The following FBXW11 variants were observed in gnomAD, a reference collection of about 807,000 sequenced individuals.
FBXW11 encodes the protein F-box/WD repeat-containing protein 11.
In FBXW11, 19 loss-of-function variants were observed where a neutral mutation model predicts 77.6. The observed-to-expected ratio is 0.24, with a 90% confidence interval of 0.17 to 0.36. The LOEUF is 0.36. Among genes scored for constraint, FBXW11 ranks in the 10% least tolerant of loss-of-function variants. FBXW11 has a pLI of 1.00. For synonymous variants in FBXW11, 235 were observed against 249.4 expected, an observed-to-expected ratio of 0.94 and a Z score of 0.54; for missense variants, 334 against 704.2, an observed-to-expected ratio of 0.47 and a Z score of 5.95.
chr5:171,944,448 G>A (rs839280), intron 2 of FBXW11, among the ~76,000 whole-genome samples: 3,669 of 151,196 alleles, frequency 0.024, 84 homozygotes, highest in African/African-American at 0.058. Flanking sequence ...GGTGGCGGGC[G>A]CCTGTAGTCC....
chr5:171,893,040 C>T (rs972413772), intron 6 of FBXW11, among the ~76,000 whole-genome samples: 2 of 152,174 alleles, frequency 1.3e-5, no homozygotes, highest in Non-Finnish European at 2.9e-5. Flanking sequence ...CACTATACCA[C>T]TCACTTTATA....
chr5:171,889,889 T>C (rs1759209085), intron 7 of FBXW11, among the ~76,000 whole-genome samples: 1 of 151,864 alleles, frequency 6.6e-6, no homozygotes, highest in Non-Finnish European at 1.5e-5. Context: ...AAACTCCGTC[T>C]CAAAAAAAAT....
chr5:171,913,616 G>A (rs1469046974), intron 3 of FBXW11, among the ~76,000 whole-genome samples: 2 of 151,980 alleles, frequency 1.3e-5, no homozygotes, highest in Non-Finnish European at 2.9e-5. Context: ...GATGCACTTT[G>A]TTCCTGCTAA....
chr5:171,918,281 G>T (rs1197536555), intron 2 of FBXW11, among the ~76,000 whole-genome samples: 4 of 152,014 alleles, frequency 2.6e-5, no homozygotes, highest in African/African-American at 9.7e-5. Flanking sequence ...CGTACACAGG[G>T]TCGCAGGAAT....
intron 2 of FBXW11, among the ~76,000 whole-genome samples, chr5:171,923,843 C>A (rs1361551948): frequency 6.7e-6 from 1 of 148,306 alleles, no homozygotes; most frequent in East Asian, 2.0e-4. Flanking sequence ...CACATACACA[C>A]GTGATAGCAG....
chr5:171,998,795 T>G (rs1766228893), intron 1 of FBXW11, among the ~76,000 whole-genome samples: 1 of 88,716 alleles, frequency 1.1e-5, no homozygotes, highest in Non-Finnish European at 2.0e-5. Flanking sequence ...AGACTCCGTC[T>G]CAAAAAAAAA....
At chr5:171,902,338 C>T (rs1760181573) in intron 4 of FBXW11, among the ~76,000 whole-genome samples, 1 of 152,164 alleles carries the variant, frequency 6.6e-6, no homozygotes, top group Admixed American at 6.5e-5. Context: ...ACACTAGCTG[C>T]TTGGTAACCC....
intron 1 of FBXW11, among the ~76,000 whole-genome samples, chr5:171,971,962 C>G (rs115955323): frequency 1.3e-5 from 2 of 149,922 alleles, no homozygotes; most frequent in African/African-American, 2.5e-5. Context: ...CCAGCCTGGA[C>G]AGCTCACACC....
intron 9 of FBXW11, among the ~76,000 whole-genome samples, chr5:171,875,046 C>CA (rs1372419597): frequency 1.3e-5 from 2 of 152,086 alleles, no homozygotes; most frequent in East Asian, 3.9e-4. Flanking sequence ...TTGTAATAGT[C>CA]AAAAAAATAG....
At chr5:171,929,841 G>T (rs1762077504) in intron 2 of FBXW11, among the ~76,000 whole-genome samples, 1 of 152,134 alleles carries the variant, frequency 6.6e-6, no homozygotes, top group African/African-American at 2.4e-5. Flanking sequence ...GAGAGAGCGA[G>T]ACTCTGTCTC....
chr5:171,980,253 G>A (rs924033847), intron 1 of FBXW11, among the ~76,000 whole-genome samples: 2 of 152,166 alleles, frequency 1.3e-5, no homozygotes, highest in African/African-American at 4.8e-5. Flanking sequence ...GGGGAGGAAA[G>A]TCTTTGAAGA....
chr5:171,987,369 T>C (rs954165667), intron 1 of FBXW11, among the ~76,000 whole-genome samples: 4 of 152,206 alleles, frequency 2.6e-5, no homozygotes, highest in African/African-American at 9.7e-5. Flanking sequence ...CCCTTTGCTA[T>C]GAAGCTCCAC....
At chr5:171,872,784 T>G (rs952114760) in intron 10 of FBXW11, 88 bp downstream of exon 10, 4 of 909,024 alleles carry the variant, frequency 4.4e-6, no homozygotes, top group Non-Finnish European at 7.1e-6. Flanking sequence ...CCATTTACCC[T>G]GAGTTGTTTT....
At chr5:171,935,163 T>C (rs1762410668) in intron 2 of FBXW11, among the ~76,000 whole-genome samples, 1 of 152,182 alleles carries the variant, frequency 6.6e-6, no homozygotes, top group African/African-American at 2.4e-5. Context: ...TTCACCGTGT[T>C]AGCCAGGACG....
intron 1 of FBXW11, among the ~76,000 whole-genome samples, chr5:171,977,185 T>A (rs1473408115): frequency 2.7e-5 from 4 of 150,532 alleles, no homozygotes; most frequent in Non-Finnish European, 5.9e-5. Flanking sequence ...ACAGAAAATT[T>A]AAAAATTAGT....
chr5:171,983,818 G>A (rs957582393), intron 1 of FBXW11, among the ~76,000 whole-genome samples: 1 of 152,126 alleles, frequency 6.6e-6, no homozygotes, highest in Non-Finnish European at 1.5e-5. Context: ...ATACCCAAGA[G>A]AAACAAGTGC....
intron 1 of FBXW11, among the ~76,000 whole-genome samples, chr5:171,967,211 C>A (rs564874587): frequency 3.3e-5 from 5 of 152,134 alleles, no homozygotes; most frequent in Non-Finnish European, 7.4e-5. Flanking sequence ...TTTGACTCAG[C>A]AATTTCACAT....
chr5:171,927,199 C>A (rs1328126488), intron 2 of FBXW11, among the ~76,000 whole-genome samples: 42 of 152,200 alleles, frequency 2.8e-4, no homozygotes, highest in Admixed American at 2.1e-3. Flanking sequence ...AAAATAATTT[C>A]TGTTCATTGA....
chr5:171,881,523 T>G (rs1758507148), intron 7 of FBXW11, among the ~76,000 whole-genome samples: 1 of 152,254 alleles, frequency 6.6e-6, no homozygotes. Flanking sequence ...AGGTTAAACA[T>G]GAAGATATTG....
Sources: allele counts gnomAD v4.1 joint callset (sites outside exome capture counted in the v4.1 genomes callset), GRCh38; gene constraint gnomAD v4.1.1; transcripts MANE v1.5; gene names NCBI Gene and HGNC (gene_info 2026-07-23, HGNC 2026-07-21).